Variants in LHPP observed in about 807,000 individuals in gnomAD.
The protein encoded by LHPP is phospholysine phosphohistidine inorganic pyrophosphate phosphatase, also known as hLHPP.
A neutral mutation model predicts 30.3 loss-of-function variants in LHPP; 24 were observed. The observed-to-expected ratio is 0.79, with a 90% CI of 0.57 to 1.11. The LOEUF is 1.11. Among genes scored for constraint, LHPP ranks in the 50% most tolerant of loss-of-function variants. LHPP has a pLI of 0.00. For missense variants in LHPP, 356 were observed against 367.2 expected, an observed-to-expected ratio of 0.97 and a Z score of 0.25; for synonymous variants, 150 against 157.1, an observed-to-expected ratio of 0.95 and a Z score of 0.34.
intron 2 of LHPP, among the ~76,000 whole-genome samples, chr10:124,486,199 G>C (rs1303707073): frequency 6.6e-6 from 1 of 152,114 alleles, no homozygotes; most frequent in Admixed American, 6.5e-5. Context: ...ACCCAACCCC[G>C]TGAAGAGCTA....
intron 6 of LHPP, chr10:124,554,140 G>A (rs1364621840): frequency 2.4e-6 from 2 of 843,786 alleles, no homozygotes; most frequent in Non-Finnish European, 2.9e-6. Context: ...GGGCCAGGTA[G>A]AGGTTTTTCA....
chr10:124,517,123 G>C lies in LHPP; in HGVS notation c.625-57G>C. 2 of 1,169,114 alleles carry C rather than the reference G, an allele frequency of 1.7e-6. No homozygotes were observed. Among genetic ancestry groups the C allele is most frequent in the South Asian group, 3.0e-5 (2 of 66,078 alleles). The allele number at this position is 1,169,114 out of a possible 1,614,324, so 72.4% of individuals were successfully genotyped here. On this transcript the variant is annotated intron_variant, in intron 5 of 6. Transcript: ENST00000368842. This position sits in a 1 kb window ranked among gnomAD's most constrained non-coding sequence, Gnocchi z 4.1. Reference sequence around the variant, plus strand: ...TATTATGTCAAAAAAAGATGAAGGAGCCCGGGAATAAAACTCTCCTGACAT... The same window carrying C: ...TATTATGTCAAAAAAAGATGAAGGACCCCGGGAATAAAACTCTCCTGACAT...
At chr10:124,533,331 C>T (rs927003330) in intron 6 of LHPP, among the ~76,000 whole-genome samples, 2 of 152,244 alleles carry the variant, frequency 1.3e-5, no homozygotes, top group Non-Finnish European at 2.9e-5. Flanking sequence ...GGCTTCCTGC[C>T]TTCACTTTGT....
intron 6 of LHPP, among the ~76,000 whole-genome samples, chr10:124,521,949 C>T (rs141895465): frequency 5.5e-4 from 84 of 151,994 alleles, no homozygotes; most frequent in Middle Eastern, 6.8e-3. Context: ...GAGTGGGATT[C>T]GGCCGCTGAC....
At chr10:124,502,510 G>A (rs1017298542) in intron 5 of LHPP, among the ~76,000 whole-genome samples, 1 of 151,024 alleles carries the variant, frequency 6.6e-6, no homozygotes, top group South Asian at 2.1e-4. Context: ...GACTGCAGGC[G>A]CCCGCCACCA....
chr10:124,506,693 G>A (rs1428013474), intron 5 of LHPP, among the ~76,000 whole-genome samples: 9 of 84,480 alleles, frequency 1.1e-4, no homozygotes. Context: ...AAGATTTCAG[G>A]TTGGCGGGTA....
chr10:124,506,463 C>T (rs775723361), intron 5 of LHPP, among the ~76,000 whole-genome samples: 11 of 151,660 alleles, frequency 7.3e-5, no homozygotes, highest in Admixed American at 1.3e-4. Flanking sequence ...TGGGGAGAAC[C>T]GCAGCATTAA....
intron 6 of LHPP, among the ~76,000 whole-genome samples, chr10:124,560,605 G>A (rs568237295): frequency 4.6e-5 from 7 of 152,066 alleles, no homozygotes; most frequent in Non-Finnish European, 8.8e-5. Flanking sequence ...GTGGGTCTCC[G>A]TGGTGATTCT....
chr10:124,474,805 AC>A (rs1952891314), intron 1 of LHPP, among the ~76,000 whole-genome samples: 1 of 151,996 alleles, frequency 6.6e-6, no homozygotes, highest in East Asian at 1.9e-4. Flanking sequence ...GGCTCAGTTC[AC>A]CCTGGGCTCC....
At chr10:124,520,026 C>T (rs956224541) in intron 6 of LHPP, among the ~76,000 whole-genome samples, 1 of 151,862 alleles carries the variant, frequency 6.6e-6, no homozygotes, top group Non-Finnish European at 1.5e-5. Flanking sequence ...GTAGAGACGG[C>T]GTTTCACCAT....
At chr10:124,518,833 G>T (rs553651187) in intron 6 of LHPP, among the ~76,000 whole-genome samples, 77 of 152,348 alleles carry the variant, frequency 5.1e-4, no homozygotes, top group African/African-American at 1.7e-3. Flanking sequence ...ACGCCAGCAA[G>T]GGTTGGTGCT....
chr10:124,598,962 C>T (rs750145389), intron 6 of LHPP, among the ~76,000 whole-genome samples: 3 of 150,618 alleles, frequency 2.0e-5, no homozygotes, highest in African/African-American at 7.3e-5. Flanking sequence ...TCCATCTATC[C>T]ATCTCTGTCC....
chr10:124,565,747 C>T (rs1052844021), intron 6 of LHPP, among the ~76,000 whole-genome samples: 11 of 152,216 alleles, frequency 7.2e-5, no homozygotes, highest in Admixed American at 3.9e-4. Flanking sequence ...CAACATGCAG[C>T]TGGGGACCTG....
chr10:124,483,195 A>G (rs1353862812), intron 1 of LHPP, among the ~76,000 whole-genome samples: 1 of 152,148 alleles, frequency 6.6e-6, no homozygotes, highest in East Asian at 1.9e-4. Context: ...CTGTCTGTCC[A>G]TCCCGGAATG....
At chr10:124,610,387 TGCGGGTGA>T (rs1564852710) in intron 6 of LHPP, among the ~76,000 whole-genome samples, 4 of 112,118 alleles carry the variant, frequency 3.6e-5, no homozygotes, top group African/African-American at 7.4e-5. Context: ...CGGGTGAGGG[TGCGGGTGA>T]GGGTGCTGGT....
intron 2 of LHPP, among the ~76,000 whole-genome samples, chr10:124,486,743 T>TA (rs761701075): frequency 2.0e-5 from 3 of 152,242 alleles, no homozygotes; most frequent in Non-Finnish European, 4.4e-5. Flanking sequence ...TCCAAACTGA[T>TA]ACAGCTGGGC....
At chr10:124,574,351 G>A (rs566737200) in intron 6 of LHPP, among the ~76,000 whole-genome samples, 64 of 152,272 alleles carry the variant, frequency 4.2e-4, no homozygotes, top group South Asian at 2.7e-3. Flanking sequence ...GCACGGATTC[G>A]CTCGCCACCA....
intron 5 of LHPP, among the ~76,000 whole-genome samples, chr10:124,513,843 G>T (rs1199028617): frequency 6.6e-6 from 1 of 151,324 alleles, no homozygotes; most frequent in East Asian, 1.9e-4. Context: ...TGTTAATGTG[G>T]CAAAAGGAGA....
intron 3 of LHPP, among the ~76,000 whole-genome samples, chr10:124,489,329 G>A (rs1173774735): frequency 6.6e-6 from 1 of 152,114 alleles, no homozygotes; most frequent in East Asian, 1.9e-4. Context: ...TCACAGCATC[G>A]ATGTCACACT....
Sources: allele counts gnomAD v4.1 joint callset (sites outside exome capture counted in the v4.1 genomes callset), GRCh38; gene constraint gnomAD v4.1.1; non-coding constraint Gnocchi (gnomAD v3.1); transcripts MANE v1.5; gene names NCBI Gene and HGNC (gene_info 2026-07-23, HGNC 2026-07-21).